ZHX3: variants seen among roughly 807,000 people sequenced by gnomAD.
The protein encoded by ZHX3 is zinc fingers and homeoboxes protein 3.
A neutral mutation model predicts 64.5 loss-of-function variants in ZHX3; 20 were observed. The observed-to-expected ratio is 0.31, with a 90% CI of 0.22 to 0.45. ZHX3 has a LOEUF of 0.45. Ranked by LOEUF, ZHX3 falls within the 20% of genes least tolerant of loss-of-function variation. The pLI is 1.00. For missense variants in ZHX3, 1,041 were observed against 1,195.8 expected (o/e 0.87, Z 1.91); for synonymous variants, 423 against 461.6 (o/e 0.92, Z 1.07).
At chr20:41,266,546 TC>T (rs1470784154) in intron 2 of ZHX3, among the ~76,000 whole-genome samples, 3 of 124,406 alleles carry the variant, frequency 2.4e-5, no homozygotes, top group African/African-American at 3.9e-5. Flanking sequence ...TCCCAATCTT[TC>T]TTTTTTTTTT....
chr20:41,190,945 T>G (rs2036965990), intron 3 of ZHX3, among the ~76,000 whole-genome samples: 1 of 152,230 alleles, frequency 6.6e-6, no homozygotes, highest in Non-Finnish European at 1.5e-5. Context: ...TTACACACAT[T>G]TCTCTTGCTG....
intron 1 of ZHX3, among the ~76,000 whole-genome samples, chr20:41,306,257 C>T (rs1356136663): frequency 6.6e-6 from 1 of 152,150 alleles, no homozygotes; most frequent in Admixed American, 6.5e-5. Flanking sequence ...AAAGAAGACA[C>T]GGCTGATTAC....
chr20:41,215,994 A>G (rs1600807793), intron 2 of ZHX3, among the ~76,000 whole-genome samples: 1 of 152,126 alleles, frequency 6.6e-6, no homozygotes, highest in South Asian at 2.1e-4. Flanking sequence ...ACAGAATTAC[A>G]GAAACATAAC....
intron 2 of ZHX3, among the ~76,000 whole-genome samples, chr20:41,240,741 A>G (rs912442546): frequency 6.6e-6 from 1 of 152,134 alleles, no homozygotes; most frequent in Admixed American, 6.5e-5. Context: ...TTTAGCTCCA[A>G]CAAATAACTG....
chr20:41,268,834 A>C (rs545943173), intron 2 of ZHX3, 156 bp downstream of exon 2: 2 of 152,384 alleles, frequency 1.3e-5, no homozygotes, highest in African/African-American at 4.8e-5. Context: ...AGACTTCAGC[A>C]ATAAAAAACA....
rs193048546 is a variant in ZHX3, at chr20:41,249,181, A to G, written c.-151+19809T>C. On this transcript the variant is annotated intron_variant, in intron 2 of 3. Coordinates refer to ENST00000683867, the MANE Select transcript of ZHX3 (RefSeq NM_001384317.1). The stretch of plus-strand genomic sequence containing the variant: ...GGAAAATGTTAAAAACTTTCTTCAC[A>G]CTAATATAAGAAAAACTTGGTCATT... Among the ~76,000 whole-genome samples the G allele has an allele frequency of 4.3e-4, 65 of 152,256 alleles. 1 individual carries two copies. The East Asian group carries it at 9.2e-3, about 22-fold the overall frequency.
intron 3 of ZHX3, among the ~76,000 whole-genome samples, chr20:41,187,284 T>C (rs1384109004): frequency 8.4e-5 from 12 of 143,376 alleles, no homozygotes; most frequent in African/African-American, 2.9e-4. Flanking sequence ...TAGGTTTGAT[T>C]GTACCACTGC....
In ZHX3 at chr20:41,258,864, C is replaced by T. The variant is rs114054469; in HGVS notation, c.-151+10126G>A. 4.6e-3 allele frequency among the ~76,000 whole-genome samples: 705 copies of T among 152,276 alleles called. 8 individuals carry two copies. The highest frequency in any genetic ancestry group is 0.015 in the African/African-American group (627 of 41,564). On this transcript the variant is annotated intron_variant, in intron 2 of 3. Transcript: ENST00000683867. ...TTTCCTGAAGGACTACTGGCTCCCT[C>T]ATTCACAAACCTGCTCACTCTGCTT...
intron 1 of ZHX3, among the ~76,000 whole-genome samples, chr20:41,304,569 C>CTA (rs570463916): frequency 0.01 from 1,559 of 152,252 alleles, 18 homozygotes; most frequent in Admixed American, 0.031. Context: ...TATGAAACAA[C>CTA]TATATATATG....
At chr20:41,218,365 G>C (rs1314649163) in intron 2 of ZHX3, among the ~76,000 whole-genome samples, 1 of 151,994 alleles carries the variant, frequency 6.6e-6, no homozygotes, top group African/African-American at 2.4e-5. Flanking sequence ...GACTGCTTAA[G>C]CCTGGGAGGT....
chr20:41,317,581 C>CCGGG lies in ZHX3; in HGVS notation c.-321_-318dup, dbSNP rs1373208648. Reference sequence around the variant, plus strand: ...GCGCTGCGGGCCTCCCTCCCCGCGGCCGGGCGGGCGGCCGGCGCAGGCCCC... The same window carrying CCGGG: ...GCGCTGCGGGCCTCCCTCCCCGCGGCCGGGCGGGCGGGCGGCCGGCGCAGGCCCC... On this transcript the variant is annotated 5_prime_UTR_variant, in exon 1 of 4. Transcript: ENST00000683867. 6.8e-6 allele frequency: 1 copy of CCGGG among 147,228 alleles called. No homozygotes were observed. Among genetic ancestry groups the CCGGG allele is most frequent in the Non-Finnish European group, 1.5e-5 (1 of 66,140 alleles). 9.1% of individuals were successfully genotyped at this position (147,228 alleles called of 1,614,324 possible). A position where few individuals can be genotyped will look rare whatever the true frequency, so the allele number is the denominator to read the frequency against.
rs1454358328 is a variant in ZHX3, at chr20:41,257,921, T to C, written c.-151+11069A>G. Among the ~76,000 whole-genome samples, 5 of 144,452 alleles carry C rather than the reference T, an allele frequency of 3.5e-5. 2 individuals carry two copies. The highest frequency in any genetic ancestry group is 2.2e-4 in the South Asian group (1 of 4,578). 94.8% of individuals were successfully genotyped at this position (144,452 alleles called of 152,430 possible). On this transcript the variant is annotated intron_variant, in intron 2 of 3. Coordinates refer to ENST00000683867, the MANE Select transcript of ZHX3 (RefSeq NM_001384317.1). Reference sequence around the variant, plus strand: ...CCACCACGCCCAACCCTTTTTTTTTTTGAGACGGAGTTTTGCTCTTGTCAG... The same window carrying C: ...CCACCACGCCCAACCCTTTTTTTTTCTGAGACGGAGTTTTGCTCTTGTCAG...
chr20:41,299,513 T>G (rs766316456), intron 1 of ZHX3, among the ~76,000 whole-genome samples: 1 of 151,938 alleles, frequency 6.6e-6, no homozygotes, highest in East Asian at 1.9e-4. Context: ...TAGAGTGAAT[T>G]TGGAGCTGAG....
intron 1 of ZHX3, among the ~76,000 whole-genome samples, chr20:41,305,472 A>G (rs1433603603): frequency 6.6e-6 from 1 of 151,980 alleles, no homozygotes; most frequent in Non-Finnish European, 1.5e-5. Flanking sequence ...AGTCTGGGCA[A>G]CAGAGCAAGG....
At chr20:41,280,822 A>G (rs189218608) in intron 1 of ZHX3, among the ~76,000 whole-genome samples, 225 of 152,326 alleles carry the variant, frequency 1.5e-3, no homozygotes, top group African/African-American at 5.1e-3. Context: ...CTCCCAAACC[A>G]AGAAATGGGA....
rs1228843064 is a variant in ZHX3, at chr20:41,182,163, GA to G, written c.*3027del. On this transcript the variant is annotated 3_prime_UTR_variant, in exon 4 of 4. Coordinates refer to ENST00000683867, the MANE Select transcript of ZHX3 (RefSeq NM_001384317.1). This position sits in a 1 kb window ranked among gnomAD's most constrained non-coding sequence, Gnocchi z 6.1. The stretch of plus-strand genomic sequence containing the variant: ...AATGATCATCTGGTTTCACCTTTGA[GA>G]ACTCGATCTACAACCCCATGTAAAA... 5.9e-5 allele frequency: 9 copies of G among 151,998 alleles called. No homozygotes were observed. The highest frequency in any genetic ancestry group is 2.2e-4 in the African/African-American group (9 of 41,330). The allele number at this position is 151,998 out of a possible 1,614,324, so 9.4% of individuals were successfully genotyped here.
At chr20:41,233,479 A>G (rs936032644) in intron 2 of ZHX3, among the ~76,000 whole-genome samples, 3 of 152,230 alleles carry the variant, frequency 2.0e-5, no homozygotes, top group Non-Finnish European at 2.9e-5. Flanking sequence ...ATCTTTAGCC[A>G]TCTTGTTGCC....
chr20:41,204,152 C>A lies in ZHX3; in HGVS notation c.765G>T (p.Gly255=). 6.2e-7 allele frequency: 1 copy of A among 1,607,028 alleles called. No homozygotes were observed. The highest frequency in any genetic ancestry group is 8.5e-7 in the Non-Finnish European group (1 of 1,176,548). Residue 255 remains glycine (G), a synonymous_variant, in exon 3 of 4, where the codon GGG becomes GGT. Coordinates refer to ENST00000683867, the MANE Select transcript of ZHX3 (RefSeq NM_001384317.1). The surrounding 1 kb of genome is among the most constrained non-coding windows in gnomAD (Gnocchi z 6.6). ...AAACTGGCACTGTTCCTATCAGGGG[C>A]CCGTTGGCGGCATGGGGGTTTTTTG... ...SSAKNPHAAN[G]PLIGTVPVLP...
intron 1 of ZHX3, among the ~76,000 whole-genome samples, chr20:41,275,650 G>T (rs573405479): frequency 6.6e-6 from 1 of 152,300 alleles, no homozygotes; most frequent in South Asian, 2.1e-4. Flanking sequence ...CACTCTCATG[G>T]CATGAGTTTT....
Sources: gnomAD v4.1 joint callset for allele counts (sites outside exome capture counted in the v4.1 genomes callset) on GRCh38, gnomAD v4.1.1 for gene constraint, Gnocchi (gnomAD v3.1) non-coding constraint, MANE v1.5 for transcripts, NCBI Gene and HGNC (gene_info 2026-07-23, HGNC 2026-07-21) for gene names.